The following TAF7L variants were observed in gnomAD, a reference collection of about 807,000 sequenced individuals.
The protein encoded by TAF7L is TATA-box binding protein associated factor 7 like, also known as transcription initiation factor TFIID subunit 7-like.
TAF7L carries 6 observed loss-of-function variants against 30.2 expected under a neutral mutation model. The observed-to-expected ratio is 0.20, with a 90% CI of 0.11 to 0.39. The LOEUF (loss-of-function observed/expected upper bound fraction) is 0.39. TAF7L is among the 10% of genes least tolerant of loss of function. The pLI, the probability that TAF7L is intolerant of heterozygous loss-of-function variation, is 1.00. For missense variants in TAF7L, 284 were observed against 277.1 expected, an observed-to-expected ratio of 1.03 and a Z score of -0.18; for synonymous variants, 93 against 94.5, an observed-to-expected ratio of 0.98 and a Z score of 0.09.
In TAF7L at chrX:101,269,171, T is replaced by C. The variant is rs1923888180; in HGVS notation, c.*22A>G. Reference sequence around the variant, plus strand: ...GTCTGGATGGTGAATCCAAGGTTTGTGGGCCACGCCAATGGCTCTCCTCAC... The same window carrying C: ...GTCTGGATGGTGAATCCAAGGTTTGCGGGCCACGCCAATGGCTCTCCTCAC... On this transcript the variant is annotated 3_prime_UTR_variant, in exon 13 of 13. Coordinates refer to ENST00000356784, the MANE Select transcript of TAF7L (RefSeq NM_001168474.2). The C allele has an allele frequency of 8.3e-7, 1 of 1,203,978 alleles. No individual in the cohort carries two copies. The highest frequency in any genetic ancestry group is 1.1e-6 in the Non-Finnish European group (1 of 889,810).
chrX:101,286,883 G>T lies in TAF7L; in HGVS notation c.67-230C>A, dbSNP rs769969821. On this transcript the variant is annotated intron_variant, in intron 2 of 12. Transcript: ENST00000356784. ...TAGCTACAGTTAATGCTTTCTCCTA[G>T]CTCTACAATCCTGCCTCTCACTGCT... is the stretch of plus-strand genomic sequence containing the variant. 2.7e-4 allele frequency among the ~76,000 whole-genome samples: 30 copies of T among 112,062 alleles called. 1 individual carries two copies. The highest frequency in any genetic ancestry group is 4.7e-4 in the Non-Finnish European group (25 of 53,233).
At chrX:101,276,267 C>T (rs948465153) in intron 10 of TAF7L, 40 bp downstream of exon 10, 1 of 1,208,420 alleles carries the variant, frequency 8.3e-7, no homozygotes, top group South Asian at 1.8e-5. Context: ...TTAGCACTGC[C>T]ACCCACCCTG....
At position 101,278,112 on chromosome X, in the gene TAF7L, A is replaced by G. The variant is rs372995856; in HGVS notation, c.514T>C (p.Ser172Pro). 2 of 1,208,218 alleles carry G rather than the reference A, an allele frequency of 1.7e-6. No homozygotes were observed. Among genetic ancestry groups the G allele is most frequent in the African/African-American group, 3.5e-5 (2 of 57,109 alleles). ...TTTACTTCATTTTCCACGTCTGGAG[A>G]TTCAATGTACTGAAGCAAAGTTGGG... ...EKSSFTEYIE[S>P]PDVENEVKRL... The change falls in exon 8 of 13, where the codon TCT (serine) becomes CCT (proline). Residue 172 changes from serine to proline, a missense_variant. Coordinates refer to ENST00000356784, the MANE Select transcript of TAF7L (RefSeq NM_001168474.2).
rs1924282883 is a variant in TAF7L at position 101,278,116 on chromosome X, A to G, written c.510T>C (p.Ile170=). The change falls in exon 8 of 13, where the codon ATT becomes ATC. Residue 170 remains isoleucine (I), a synonymous_variant. Transcript: ENST00000356784. Reference sequence around the variant, plus strand: ...CTTCATTTTCCACGTCTGGAGATTCAATGTACTGAAGCAAAGTTGGGGATT... The same window carrying G: ...CTTCATTTTCCACGTCTGGAGATTCGATGTACTGAAGCAAAGTTGGGGATT... ...EMEKSSFTEY[I]ESPDVENEVK... is the part of the protein sequence containing the mutation. 8.3e-7 allele frequency: 1 copy of G among 1,209,435 alleles called. No homozygotes were observed. Among genetic ancestry groups the G allele is most frequent in the East Asian group, 3.0e-5 (1 of 33,820 alleles).
chrX:101,288,144 C>CTT (rs367794112), intron 1 of TAF7L, among the ~76,000 whole-genome samples: 8 of 99,783 alleles, frequency 8.0e-5, no homozygotes, highest in Admixed American at 2.2e-4. Context: ...GAGTCCAGTT[C>CTT]TTTTTTTTTT....
chrX:101,269,321 C>CA, intron 12 of TAF7L, 84 bp from the exon 13 acceptor site: 1 of 837,553 alleles, frequency 1.2e-6, no homozygotes, highest in Admixed American at 2.4e-5. Flanking sequence ...TTAAATGAAC[C>CA]AAAAAGAACT....
rs913338072 is a variant in TAF7L, at chrX:101,276,333, C to G, written c.887G>C (p.Arg296Thr). The G allele has an allele frequency of 2.5e-6, 3 of 1,211,138 alleles. No individual in the cohort carries two copies. Among genetic ancestry groups the G allele is most frequent in the Non-Finnish European group, 3.4e-6 (3 of 895,338 alleles). The change falls in exon 10 of 13, where the codon AGG becomes ACG. Residue 296 changes from arginine (R) to threonine (T), a missense_variant. Physicochemically the swap from Arg to Thr is moderately conservative, Grantham distance 71. Transcript: ENST00000356784. The part of the protein sequence containing the change: ...QAEFIESGQY[R>T]ANEGTSSIVM... ...TATTGAACTGGTACCTTCATTTGCC[C>G]TATACTGGCCAGATTCAATAAACTC...
upstream of TAF7L, chrX:101,291,478 T>A: frequency 6.4e-6 from 1 of 156,879 alleles, no homozygotes; most frequent in African/African-American, 3.1e-5. Flanking sequence ...GCGGGAAGGC[T>A]CGAAAGGCGC....
At chrX:101,278,173 CCT>C in intron 7 of TAF7L, 52 bp from the exon 8 acceptor site, 1 of 1,015,983 alleles carries the variant, frequency 9.8e-7, no homozygotes, top group Non-Finnish European at 1.4e-6. Flanking sequence ...CATTTAACAC[CCT>C]GTGTGTTGCA....
upstream of TAF7L, chrX:101,292,978 G>T (rs770685268): frequency 8.3e-7 from 1 of 1,210,807 alleles, no homozygotes; most frequent in South Asian, 1.8e-5. Context: ...AGTTACTTCC[G>T]ATGTTGAAAC....
intron 12 of TAF7L, among the ~76,000 whole-genome samples, chrX:101,271,336 ATACT>A (rs1374494825): frequency 8.9e-6 from 1 of 111,849 alleles, no homozygotes; most frequent in Non-Finnish European, 1.9e-5. Flanking sequence ...ATGATAGAAC[ATACT>A]TACACCAACC....
chrX:101,280,618 T>C (rs908823804), intron 6 of TAF7L, among the ~76,000 whole-genome samples: 6 of 111,979 alleles, frequency 5.4e-5, no homozygotes, highest in Non-Finnish European at 1.1e-4. Context: ...CCAGCAATTA[T>C]ACTCCTGGAC....
At chrX:101,277,912 G>T in intron 8 of TAF7L, 137 bp downstream of exon 8, 1 of 588,721 alleles carries the variant, frequency 1.7e-6, no homozygotes, top group Non-Finnish European at 2.8e-6. Context: ...TGAATTTACT[G>T]TTCCTAGCTA....
chrX:101,269,497 AGATAT>A (rs780343093), intron 12 of TAF7L, among the ~76,000 whole-genome samples: 1 of 112,014 alleles, frequency 8.9e-6, no homozygotes, highest in Non-Finnish European at 1.9e-5. Flanking sequence ...CTGCTGATAA[AGATAT>A]ACCTGAGTTT....
chrX:101,278,104 G>A lies in TAF7L; in HGVS notation c.522C>T (p.Asp174=), dbSNP rs368931640. 12 of 1,208,445 alleles carry A rather than the reference G, an allele frequency of 9.9e-6. No homozygotes were observed. In the African/African-American group the frequency reaches 1.6e-4, roughly 16 times the overall value. ...GCAGTCTCTTTACTTCATTTTCCAC[G>A]TCTGGAGATTCAATGTACTGAAGCA... ...SSFTEYIESP[D]VENEVKRLLR... The change falls in exon 8 of 13, where the codon GAC becomes GAT. Residue 174 remains aspartate (D), a synonymous_variant. Coordinates refer to ENST00000356784, the MANE Select transcript of TAF7L (RefSeq NM_001168474.2).
chrX:101,276,043 C>T lies in TAF7L; in HGVS notation c.983G>A (p.Arg328Lys), dbSNP rs748746484. The T allele has an allele frequency of 1.7e-6, 2 of 1,203,410 alleles. No individual in the cohort carries two copies. The highest frequency in any genetic ancestry group is 3.5e-5 in the African/African-American group (2 of 56,831). Residue 328 changes from arginine (R) to lysine (K), a missense_variant, in exon 11 of 13, where the codon AGA (arginine) becomes AAA (lysine). Transcript: ENST00000356784. ...CACTTTCATGATGAGATCCTTCTGT[C>T]TTTGTGCTTTATTCTGAATCTTATG... ...KLHKIQNKAQRQKDLIMKVEN... is the reference protein window; with the variant it reads ...KLHKIQNKAQKQKDLIMKVEN...
rs2147373093 is a variant in TAF7L, at chrX:101,277,611, G to A, written c.686C>T (p.Ser229Leu). 2.6e-6 allele frequency: 3 copies of A among 1,169,128 alleles called. No individual in the cohort carries two copies. The highest frequency in any genetic ancestry group is 1.9e-5 in the South Asian group (1 of 51,727). Residue 229 changes from serine (S) to leucine (L), a missense_variant, in exon 9 of 13, where the codon TCG (serine) becomes TTG (leucine). Ser to Leu is a moderately radical substitution (Grantham distance 145). Transcript: ENST00000356784. The part of the protein sequence containing the change: ...GMSSHKQGHT[S>L]SEYDMLREMF... Reference sequence around the variant, plus strand: ...CTTTGCCTTTACTAAAGTACCTGACGAGGTATGACCCTGCTTGTGGCTGCT... The same window carrying A: ...CTTTGCCTTTACTAAAGTACCTGACAAGGTATGACCCTGCTTGTGGCTGCT...
upstream of TAF7L, chrX:101,293,037 G>A: frequency 8.3e-7 from 1 of 1,211,077 alleles, no homozygotes; most frequent in Non-Finnish European, 1.1e-6. Context: ...GTCCCTCGGG[G>A]CACTCCATGG....
intron 6 of TAF7L, among the ~76,000 whole-genome samples, chrX:101,281,025 T>G (rs940564936): frequency 1.8e-5 from 2 of 111,853 alleles, no homozygotes; most frequent in Non-Finnish European, 3.8e-5. Flanking sequence ...ATCCTTGTGA[T>G]GAAACTGTTT....
Sources: gnomAD v4.1 joint callset for allele counts (sites outside exome capture counted in the v4.1 genomes callset) on GRCh38, gnomAD v4.1.1 for gene constraint, MANE v1.5 for transcripts, NCBI Gene and HGNC (gene_info 2026-07-23, HGNC 2026-07-21) for gene names.